Variants in CSNK1G2 observed in about 807,000 individuals in gnomAD.
The protein encoded by CSNK1G2 is casein kinase I isoform gamma-2.
In CSNK1G2, 11 loss-of-function variants were observed where a neutral mutation model predicts 48.0. The ratio of observed to expected loss-of-function variants is 0.23; its 90% CI spans 0.14 to 0.38. CSNK1G2 has a LOEUF of 0.38. Ranked by LOEUF, CSNK1G2 falls within the 10% of genes least tolerant of loss-of-function variation. The pLI is 1.00. For missense variants in CSNK1G2, 446 were observed against 595.5 expected, an observed-to-expected ratio of 0.75 and a Z score of 2.61; for synonymous variants, 337 against 254.1, an observed-to-expected ratio of 1.33 and a Z score of -3.10.
chr19:1,979,712 G>A (rs1321418224), intron 9 of CSNK1G2, 40 bp from the exon 10 acceptor site: 3 of 1,602,638 alleles, frequency 1.9e-6, no homozygotes, highest in African/African-American at 2.7e-5. Context: ...ATGGGAACCG[G>A]CGCTGCAGCC....
chr19:1,957,147 C>A lies in CSNK1G2; in HGVS notation c.-265-12361C>A, dbSNP rs559550403. On this transcript the variant is annotated intron_variant, in intron 1 of 11. Transcript: ENST00000255641. The surrounding 1 kb of genome is among the most constrained non-coding windows in gnomAD (Gnocchi z 5.4). ...GGCTGTGGAGAGGGCAAGGCAGGGG[C>A]GGCTAGAAAGAAAAGCAACCTGGAC... Among the ~76,000 whole-genome samples, 2 of 152,102 alleles carry A rather than the reference C, an allele frequency of 1.3e-5. No homozygotes were observed. Among genetic ancestry groups the A allele is most frequent in the African/African-American group, 4.8e-5 (2 of 41,432 alleles).
At chr19:1,949,107 C>A (rs1024690494) in intron 1 of CSNK1G2, among the ~76,000 whole-genome samples, 1 of 152,160 alleles carries the variant, frequency 6.6e-6, no homozygotes, top group African/African-American at 2.4e-5. Context: ...AAAAAATCCA[C>A]GTCAGAGTGG....
At chr19:1,976,147 G>A in intron 2 of CSNK1G2, 1 of 1,255,542 alleles carries the variant, frequency 8.0e-7, no homozygotes, top group Non-Finnish European at 1.0e-6. Flanking sequence ...ATGAGTGTTG[G>A]GTGTTTGGGG....
chr19:1,967,668 T>TG (rs113745970), intron 1 of CSNK1G2, among the ~76,000 whole-genome samples: 7,431 of 109,498 alleles, frequency 0.068, 1,367 homozygotes, highest in African/African-American at 0.3. Flanking sequence ...GTTCTGCAGG[T>TG]GGGGCTCCTC....
chr19:1,960,733 T>A (rs1183531561), intron 1 of CSNK1G2, among the ~76,000 whole-genome samples: 1 of 151,870 alleles, frequency 6.6e-6, no homozygotes, highest in Non-Finnish European at 1.5e-5. Context: ...ACCAGAAATA[T>A]CAAAAATTAA....
In CSNK1G2 at chr19:1,975,307, G is replaced by A. The variant is rs190468052; in HGVS notation, c.188-2998G>A. ...CAGAGGGACGGTGTAGCACACAGGC[G>A]AGGGCTTGTCCTCCTCAGCCTGGGG... On this transcript the variant is annotated intron_variant, in intron 2 of 11. Coordinates refer to ENST00000255641, the MANE Select transcript of CSNK1G2 (RefSeq NM_001319.7). The A allele has an allele frequency of 2.3e-5, 23 of 985,482 alleles. No homozygotes were observed. In the East Asian group the frequency reaches 1.8e-3, roughly 78 times the overall value. 61.0% of individuals were successfully genotyped at this position (985,482 alleles called of 1,614,324 possible). A position where few individuals can be genotyped will look rare whatever the true frequency, so the allele number is the denominator to read the frequency against.
chr19:1,942,600 A>T (rs909620049), intron 1 of CSNK1G2: 1 of 151,514 alleles, frequency 6.6e-6, no homozygotes, highest in Non-Finnish European at 1.5e-5. Context: ...TGGGTGTGGG[A>T]GCTGAGCAGG....
At chr19:1,955,650 G>A (rs1213879576) in intron 1 of CSNK1G2, among the ~76,000 whole-genome samples, 2 of 152,002 alleles carry the variant, frequency 1.3e-5, no homozygotes, top group African/African-American at 4.8e-5. Context: ...GTCCGCCCAC[G>A]ACCCCCTCAG....
At chr19:1,977,996 C>T (rs1294161751) in intron 2 of CSNK1G2, among the ~76,000 whole-genome samples, 1 of 149,064 alleles carries the variant, frequency 6.7e-6, no homozygotes, top group East Asian at 2.1e-4. Flanking sequence ...TTGGGGCTGC[C>T]TGCAGGCCGT....
At chr19:1,959,417 C>T (rs1384390587) in intron 1 of CSNK1G2, 2 of 152,872 alleles carry the variant, frequency 1.3e-5, no homozygotes, top group African/African-American at 2.4e-5. Flanking sequence ...CCTGCCCGGA[C>T]ACCTGCCTGC....
In CSNK1G2 at chr19:1,978,633, G is replaced by T. The variant is rs555939754; in HGVS notation, c.330G>T (p.Pro110=). 1 of 1,605,210 alleles carries T rather than the reference G, an allele frequency of 6.2e-7. No homozygotes were observed. Among genetic ancestry groups the T allele is most frequent in the Non-Finnish European group, 8.5e-7 (1 of 1,176,338 alleles). The change falls in exon 5 of 12, where the codon CCG becomes CCT. Residue 110 remains proline (P), a synonymous_variant. Coordinates refer to ENST00000255641, the MANE Select transcript of CSNK1G2 (RefSeq NM_001319.7). This position sits in a 1 kb window ranked among gnomAD's most constrained non-coding sequence, Gnocchi z 7.3. ...EGVPQVYYFG[P]CGKYNAMVLE... ...TCCCTCAGGTCTACTACTTCGGTCC[G>T]TGCGGGAAGTACAACGCCATGGTGC...
At chr19:1,976,427 G>A (rs1267440830) in intron 2 of CSNK1G2, among the ~76,000 whole-genome samples, 1 of 152,224 alleles carries the variant, frequency 6.6e-6, no homozygotes, top group Admixed American at 6.5e-5. Flanking sequence ...TAGGGAACTT[G>A]ACAAGCTGAT....
In CSNK1G2 at chr19:1,941,312, C is replaced by G. The variant is rs1349249152; in HGVS notation, c.-372C>G. On this transcript the variant is annotated 5_prime_UTR_variant, in exon 1 of 12. Transcript: ENST00000255641. ...GCGGGGGCCCAAGCGGCACCGGAGCCGGAGCGCGAGGGGGCGCGGGGCCCG... is the reference window on the plus strand; with the variant it reads ...GCGGGGGCCCAAGCGGCACCGGAGCGGGAGCGCGAGGGGGCGCGGGGCCCG... 1.4e-5 allele frequency: 2 copies of G among 146,384 alleles called. No homozygotes were observed. Among genetic ancestry groups the G allele is most frequent in the Non-Finnish European group, 3.0e-5 (2 of 65,850 alleles). 9.1% of individuals were successfully genotyped at this position (146,384 alleles called of 1,614,324 possible).
chr19:1,954,723 C>T (rs538065253), intron 1 of CSNK1G2: 7 of 152,484 alleles, frequency 4.6e-5, no homozygotes, highest in East Asian at 3.9e-4. Flanking sequence ...CAGGTAGCAG[C>T]CTGAGGCTAG....
At chr19:1,967,144 G>A (rs914616469) in intron 1 of CSNK1G2, among the ~76,000 whole-genome samples, 1 of 152,204 alleles carries the variant, frequency 6.6e-6, no homozygotes, top group Non-Finnish European at 1.5e-5. Flanking sequence ...ACATTCGAGC[G>A]GCTGTTGCCG....
chr19:1,947,108 C>T (rs1045963287), intron 1 of CSNK1G2, among the ~76,000 whole-genome samples: 4 of 152,150 alleles, frequency 2.6e-5, no homozygotes, highest in South Asian at 2.1e-4. Flanking sequence ...TTGTCACCAG[C>T]GGTGTTTCGT....
Position 1,979,445 on chromosome 19 carries a change from C to A in CSNK1G2, c.853+42C>A, listed in dbSNP as rs753889632. 6 of 1,035,526 alleles carry A rather than the reference C, an allele frequency of 5.8e-6. No individual in the cohort carries two copies. The African/African-American group carries it at 7.0e-5, about 12-fold the overall frequency. The allele number at this position is 1,035,526 out of a possible 1,614,324, so 64.1% of individuals were successfully genotyped here. A position where few individuals can be genotyped will look rare whatever the true frequency, so the allele number is the denominator to read the frequency against. Reference sequence around the variant, plus strand: ...CCCCCGCCCTGTGCCCCCCACCCCCCACCCCCCACCCCCACCCCCGCCGAG... The same window carrying A: ...CCCCCGCCCTGTGCCCCCCACCCCCAACCCCCCACCCCCACCCCCGCCGAG... On this transcript the variant is annotated intron_variant, in intron 8 of 11. Coordinates refer to ENST00000255641, the MANE Select transcript of CSNK1G2 (RefSeq NM_001319.7).
intron 1 of CSNK1G2, among the ~76,000 whole-genome samples, chr19:1,962,285 C>T (rs1004950824): frequency 1.3e-4 from 20 of 149,450 alleles, no homozygotes; most frequent in Admixed American, 1.1e-3. Flanking sequence ...GAGTCGAGTT[C>T]GTGCCACTGC....
At chr19:1,955,723 G>A (rs1463090938) in intron 1 of CSNK1G2, among the ~76,000 whole-genome samples, 4 of 152,146 alleles carry the variant, frequency 2.6e-5, no homozygotes, top group South Asian at 4.1e-4. Context: ...AGTGCTCAGC[G>A]GACCCCCGTG....
Sources: gnomAD v4.1 joint callset for allele counts (sites outside exome capture counted in the v4.1 genomes callset) on GRCh38, gnomAD v4.1.1 for gene constraint, Gnocchi (gnomAD v3.1) non-coding constraint, MANE v1.5 for transcripts, NCBI Gene and HGNC (gene_info 2026-07-23, HGNC 2026-07-21) for gene names.